Variants in ZMIZ1 observed in about 807,000 individuals in gnomAD.
ZMIZ1 encodes the protein zinc finger MIZ domain-containing protein 1.
A neutral mutation model predicts 113.9 loss-of-function variants in ZMIZ1; 17 were observed. The observed-to-expected ratio is 0.15, with a 90% CI of 0.10 to 0.22. The LOEUF is 0.22. ZMIZ1 is among the 10% of genes least tolerant of loss of function. ZMIZ1 has a pLI of 1.00. For synonymous variants in ZMIZ1, 607 were observed against 603.1 expected (o/e 1.01, Z -0.09); for missense variants, 1,059 against 1,477.8 (o/e 0.72, Z 4.65).
At chr10:79,182,056 C>T (rs1027707939) in intron 4 of ZMIZ1, among the ~76,000 whole-genome samples, 1 of 152,172 alleles carries the variant, frequency 6.6e-6, no homozygotes, top group Non-Finnish European at 1.5e-5. Flanking sequence ...ATGGGCTGGT[C>T]CCTGGTTCTG....
chr10:79,159,746 G>C (rs945137177), intron 3 of ZMIZ1, among the ~76,000 whole-genome samples: 1 of 152,126 alleles, frequency 6.6e-6, no homozygotes, highest in African/African-American at 2.4e-5. Context: ...TCCAATGCAG[G>C]CTCACTGTCC....
rs911146049 is a variant in ZMIZ1 at position 79,296,873 on chromosome 10, GT to G, written c.1413+229del. 9.0e-5 allele frequency: 36 copies of G among 398,724 alleles called. No homozygotes were observed. The highest frequency in any genetic ancestry group is 4.3e-5 in the Admixed American group (1 of 23,180). The allele number at this position is 398,724 out of a possible 1,614,324, so 24.7% of individuals were successfully genotyped here. ...CTATTCTCATTCGTCTCGGATGATG[GT>G]TTTTTTTTCTCCTTTTCTTATTCAC... On this transcript the variant is annotated intron_variant, in intron 13 of 24. Coordinates refer to ENST00000334512, the MANE Select transcript of ZMIZ1 (RefSeq NM_020338.4). The surrounding 1 kb of genome is among the most constrained non-coding windows in gnomAD (Gnocchi z 4.1).
chr10:79,208,461 C>A lies in ZMIZ1; in HGVS notation c.174+12C>A. 2 of 1,606,732 alleles carry A rather than the reference C, an allele frequency of 1.2e-6. No homozygotes were observed. The highest frequency in any genetic ancestry group is 1.7e-6 in the Non-Finnish European group (2 of 1,175,852). Reference sequence around the variant, plus strand: ...TGGGCTGTTTGACGGTGAGTCTGCACCCTGTCCGCCTGCATTCCTGCCCAG... The same window carrying A: ...TGGGCTGTTTGACGGTGAGTCTGCAACCTGTCCGCCTGCATTCCTGCCCAG... On this transcript the variant is annotated intron_variant, in intron 6 of 24. Coordinates refer to ENST00000334512, the MANE Select transcript of ZMIZ1 (RefSeq NM_020338.4).
chr10:79,201,638 T>C lies in ZMIZ1; in HGVS notation c.6T>C (p.Asn2=), dbSNP rs1175160223. The C allele has an allele frequency of 1.2e-6, 2 of 1,613,674 alleles. No individual in the cohort carries two copies. The highest frequency in any genetic ancestry group is 4.5e-5 in the East Asian group (2 of 44,850). Residue 2 remains asparagine, a synonymous_variant, in exon 5 of 25, where the codon AAT becomes AAC. Transcript: ENST00000334512. ...AACCTAGTGAAACGGCCAGAATGAA[T>C]TCTATGGACAGGCACATCCAGCAGA... M[N]SMDRHIQQTN...
chr10:79,223,242 T>A (rs1024036491), intron 7 of ZMIZ1, among the ~76,000 whole-genome samples: 14 of 152,226 alleles, frequency 9.2e-5, no homozygotes, highest in Admixed American at 8.5e-4. Context: ...GGCCGCCCAG[T>A]GAGCAGGCAG....
intron 7 of ZMIZ1, among the ~76,000 whole-genome samples, chr10:79,252,004 G>A (rs757727860): frequency 4.6e-5 from 7 of 152,198 alleles, no homozygotes; most frequent in Admixed American, 6.5e-5. Flanking sequence ...AGGGGAGGGA[G>A]TAAGGGCCGA....
chr10:79,089,177 C>T (rs533705338), intron 1 of ZMIZ1, among the ~76,000 whole-genome samples: 12 of 152,330 alleles, frequency 7.9e-5, no homozygotes, highest in South Asian at 4.1e-4. Flanking sequence ...CCTCAGAGCC[C>T]GAAGCAACTG....
intron 23 of ZMIZ1, among the ~76,000 whole-genome samples, chr10:79,310,323 C>G (rs988795261): frequency 1.3e-5 from 2 of 152,202 alleles, no homozygotes; most frequent in Non-Finnish European, 2.9e-5. Flanking sequence ...CAGCCAAATT[C>G]CACCCGCGCT....
intron 1 of ZMIZ1, among the ~76,000 whole-genome samples, chr10:79,087,030 G>A (rs565105713): frequency 2.6e-5 from 4 of 152,336 alleles, no homozygotes; most frequent in South Asian, 4.1e-4. Flanking sequence ...GTTTTGTTAA[G>A]TGTTTTTAAC....
chr10:79,083,980 G>T (rs1415833701), intron 1 of ZMIZ1, among the ~76,000 whole-genome samples: 1 of 152,140 alleles, frequency 6.6e-6, no homozygotes, highest in Non-Finnish European at 1.5e-5. Context: ...TTGGAATTCT[G>T]ATATTCTGCA....
chr10:79,086,645 A>ACTACCGGG (rs1360637869), intron 1 of ZMIZ1, among the ~76,000 whole-genome samples: 59 of 152,188 alleles, frequency 3.9e-4, no homozygotes, highest in Non-Finnish European at 8.4e-4. Flanking sequence ...TCCTGCTGGG[A>ACTACCGGG]CTACCGGCAC....
intron 7 of ZMIZ1, among the ~76,000 whole-genome samples, chr10:79,218,586 T>G (rs1236564812): frequency 2.1e-5 from 3 of 146,240 alleles, no homozygotes; most frequent in Non-Finnish European, 4.5e-5. Flanking sequence ...ATTAGAGGGG[T>G]GTGTGTGTGT....
chr10:79,110,232 G>T (rs2132291298), intron 1 of ZMIZ1, among the ~76,000 whole-genome samples: 1 of 152,354 alleles, frequency 6.6e-6, no homozygotes, highest in African/African-American at 2.4e-5. Context: ...GGCATGTTGG[G>T]AGAATTCAGG....
intron 1 of ZMIZ1, among the ~76,000 whole-genome samples, chr10:79,095,703 T>C (rs1404258891): frequency 2.0e-5 from 3 of 152,210 alleles, no homozygotes; most frequent in African/African-American, 7.2e-5. Context: ...TCTGGACACA[T>C]CGTGCAGACC....
intron 3 of ZMIZ1, among the ~76,000 whole-genome samples, chr10:79,157,838 G>T (rs1845964002): frequency 6.6e-6 from 1 of 152,166 alleles, no homozygotes; most frequent in Admixed American, 6.5e-5. Flanking sequence ...CCTGTCCCTG[G>T]GGTCATGTAA....
At chr10:79,240,114 G>A (rs996705321) in intron 7 of ZMIZ1, among the ~76,000 whole-genome samples, 5 of 152,126 alleles carry the variant, frequency 3.3e-5, no homozygotes, top group East Asian at 1.9e-4. Context: ...ATTGATCCTC[G>A]CGTCAGGCCT....
chr10:79,182,507 G>A (rs1439004702), intron 4 of ZMIZ1, among the ~76,000 whole-genome samples: 1 of 152,208 alleles, frequency 6.6e-6, no homozygotes, highest in Non-Finnish European at 1.5e-5. Flanking sequence ...TTCTGGGTGT[G>A]CAGGAGCTAG....
intron 4 of ZMIZ1, among the ~76,000 whole-genome samples, chr10:79,185,089 G>T (rs987817267): frequency 1.3e-5 from 2 of 152,192 alleles, no homozygotes; most frequent in East Asian, 1.9e-4. Context: ...GAGCAGGACG[G>T]TGAAGCCTTG....
At chr10:79,143,611 C>A (rs1845360251) in intron 3 of ZMIZ1, among the ~76,000 whole-genome samples, 1 of 152,190 alleles carries the variant, frequency 6.6e-6, no homozygotes, top group Admixed American at 6.5e-5. Context: ...TGAGAACTGG[C>A]AGTCCAGATG....
Sources: gnomAD v4.1 joint callset for allele counts (sites outside exome capture counted in the v4.1 genomes callset) on GRCh38, gnomAD v4.1.1 for gene constraint, Gnocchi (gnomAD v3.1) non-coding constraint, MANE v1.5 for transcripts, NCBI Gene and HGNC (gene_info 2026-07-23, HGNC 2026-07-21) for gene names.